Variants in TP53I13 observed in about 807,000 individuals in gnomAD.
TP53I13 encodes the protein tumor protein p53 inducible protein 13.
A neutral mutation model predicts 39.1 loss-of-function variants in TP53I13; 27 were observed. That is an observed-to-expected ratio of 0.69 (90% CI 0.51 to 0.95). TP53I13 has a LOEUF of 0.95. Among genes scored for constraint, TP53I13 ranks in the 40% least tolerant of loss-of-function variants. The probability of loss-of-function intolerance (pLI) is 0.00; values close to 1 mark genes in which losing one functional copy is unlikely to be tolerated. For missense variants in TP53I13, 544 were observed against 520.4 expected (o/e 1.05, Z -0.44); for synonymous variants, 230 against 224.6 (o/e 1.02, Z -0.22).
downstream of TP53I13, chr17:29,574,518 C>A: frequency 1.5e-6 from 1 of 651,738 alleles, no homozygotes. Context: ...TCCTGCCCCC[C>A]CACCTCCCCA....
At chr17:29,575,928 C>T (rs754400620), downstream of TP53I13, 7 of 1,574,428 alleles carry the variant, frequency 4.4e-6, no homozygotes, top group Middle Eastern at 3.3e-4. This position sits in a 1 kb window ranked among gnomAD's most constrained non-coding sequence, Gnocchi z 5.5. Context: ...TGGATGGAGT[C>T]AGTGTGCCCC....
At chr17:29,577,577 A>G (rs928613482), downstream of TP53I13, 3 of 1,023,334 alleles carry the variant, frequency 2.9e-6, no homozygotes, top group Admixed American at 1.7e-5. Flanking sequence ...GCCCCAGCCC[A>G]CTGCCGGATG....
chr17:29,578,679 G>C, the TP53I13 span: 1 of 1,472,154 alleles, frequency 6.8e-7, no homozygotes, highest in Non-Finnish European at 9.5e-7. Flanking sequence ...GAGGGTGGGG[G>C]ATCAGAGAGG....
chr17:29,573,984 C>T (rs1350132683), downstream of TP53I13: 1 of 152,518 alleles, frequency 6.6e-6, no homozygotes, highest in African/African-American at 2.4e-5. Context: ...CCATGCTGGT[C>T]CCACTGCTCT....
the TP53I13 span, chr17:29,579,374 A>G: frequency 7.1e-6 from 2 of 282,252 alleles, no homozygotes; most frequent in South Asian, 5.1e-5. Flanking sequence ...TTTTGGATAC[A>G]CCTGGCTGCA....
downstream of TP53I13, chr17:29,575,763 C>T (rs765971490): frequency 2.5e-6 from 4 of 1,604,420 alleles, no homozygotes; most frequent in South Asian, 1.1e-5. The surrounding 1 kb of genome is among the most constrained non-coding windows in gnomAD (Gnocchi z 5.5). Context: ...CTGCCCCTAG[C>T]CCACACGGCC....
At chr17:29,577,505 C>A, downstream of TP53I13, 1 of 721,012 alleles carries the variant, frequency 1.4e-6, no homozygotes. Flanking sequence ...CTGACCTTCC[C>A]AAATCCCAGT....
chr17:29,577,653 G>T (rs1373004605), downstream of TP53I13: 2 of 1,601,482 alleles, frequency 1.2e-6, no homozygotes, highest in Admixed American at 1.7e-5. Flanking sequence ...ACCTGATTCC[G>T]CGTGGCTGAG....
At chr17:29,578,711 C>T in the TP53I13 span, 1 of 1,608,888 alleles carries the variant, frequency 6.2e-7, no homozygotes, top group Non-Finnish European at 8.5e-7. Flanking sequence ...AGTGTCAGGG[C>T]ACTGTTGGAG....
chr17:29,581,939 A>G, the TP53I13 span: 7 of 1,612,840 alleles, frequency 4.3e-6, no homozygotes, highest in Non-Finnish European at 5.9e-6. This position sits in a 1 kb window ranked among gnomAD's most constrained non-coding sequence, Gnocchi z 4.8. Context: ...GGCATAGTCA[A>G]TGGGTGTGCG....
chr17:29,567,911 C>G (rs117116953), upstream of TP53I13: 3 of 152,194 alleles, frequency 2.0e-5, no homozygotes, highest in East Asian at 1.9e-4. This position sits in a 1 kb window ranked among gnomAD's most constrained non-coding sequence, Gnocchi z 6.6. Flanking sequence ...CGTTTCCCCC[C>G]CAAATCCTGG....
rs1567763752 is a variant in TP53I13 at position 29,572,698 on chromosome 17, G to C, written c.1069+1G>C. 2.6e-6 allele frequency: 4 copies of C among 1,538,562 alleles called. No individual in the cohort carries two copies. Among genetic ancestry groups the C allele is most frequent in the Non-Finnish European group, 3.5e-6 (4 of 1,140,616 alleles). On this transcript the variant is annotated splice_donor_variant, in intron 6 of 6. Transcript: ENST00000301057. LOFTEE classifies it high-confidence loss of function. The stretch of plus-strand genomic sequence containing the variant: ...GCGGACAGCCAGGACACAGTGGCTG[G>C]TGAGGAGTTCCCTCCCTACCCTACC...
chr17:29,574,683 G>A, downstream of TP53I13: 3 of 1,589,286 alleles, frequency 1.9e-6, 1 homozygote, highest in Non-Finnish European at 8.6e-7. Flanking sequence ...GGGTGCAGGT[G>A]AGGGTGTGGG....
chr17:29,576,099 G>A (rs774087175), downstream of TP53I13: 31 of 1,613,640 alleles, frequency 1.9e-5, no homozygotes, highest in Non-Finnish European at 2.3e-5. Context: ...CAGCAGGGAC[G>A]TGCACTGAAT....
At chr17:29,576,799 G>C (rs1006927616), downstream of TP53I13, 6 of 1,576,882 alleles carry the variant, frequency 3.8e-6, no homozygotes, top group African/African-American at 2.7e-5. Context: ...AGAGGACAGA[G>C]CTGGGCCTCA....
chr17:29,572,779 C>G, intron 6 of TP53I13, 33 bp from the exon 7 acceptor site: 1 of 1,504,756 alleles, frequency 6.6e-7, no homozygotes, highest in Non-Finnish European at 8.9e-7. Flanking sequence ...TCCCTGCCCT[C>G]CCGCCCTTGA....
intron 3 of TP53I13, chr17:29,569,682 G>A (rs1330551358): frequency 1.3e-5 from 4 of 297,306 alleles, no homozygotes; most frequent in African/African-American, 6.3e-5. Flanking sequence ...AGCTCCCTGA[G>A]GAGACAGCGG....
downstream of TP53I13, chr17:29,576,743 T>C: frequency 3.7e-6 from 6 of 1,600,046 alleles, no homozygotes; most frequent in South Asian, 1.1e-5. Context: ...GGGGCAGTTA[T>C]TGAGGCTAGG....
upstream of TP53I13, chr17:29,566,300 G>A: frequency 6.2e-7 from 1 of 1,611,642 alleles, no homozygotes; most frequent in South Asian, 1.1e-5. Context: ...TGTCGGAAGC[G>A]GATGTATGTG....
Sources: allele counts gnomAD v4.1 joint callset, GRCh38; gene constraint gnomAD v4.1.1; non-coding constraint Gnocchi (gnomAD v3.1); transcripts MANE v1.5; gene names NCBI Gene and HGNC (gene_info 2026-07-23, HGNC 2026-07-21).